IL34: variants seen among roughly 807,000 people sequenced by gnomAD.
IL34 encodes the protein interleukin-34.
IL34 carries 17 observed loss-of-function variants against 25.3 expected under a neutral mutation model. The observed-to-expected ratio is 0.67, with a 90% CI of 0.46 to 1.01. The LOEUF (loss-of-function observed/expected upper bound fraction) is 1.01. Among genes scored for constraint, IL34 ranks in the 50% least tolerant of loss-of-function variants. The pLI is 0.00. For missense variants in IL34, 368 were observed against 312.9 expected (o/e 1.18, Z -1.33); for synonymous variants, 174 against 140.9 (o/e 1.23, Z -1.66).
rs569642998 is a variant in IL34 at position 70,630,554 on chromosome 16, TC to T, written c.-400-15990del. 2.7e-5 allele frequency among the ~76,000 whole-genome samples: 4 copies of T among 145,838 alleles called. No individual in the cohort carries two copies. In the South Asian group the frequency reaches 9.0e-4, roughly 33 times the overall value. On this transcript the variant is annotated intron_variant, in intron 1 of 6. Transcript: ENST00000429149. Reference sequence around the variant, plus strand: ...GCCCCTCCCTTCCCCTCCTCTCCCCTCCCCTCTCCTCTCCTCTTCTTTCTTT... The same window carrying T: ...GCCCCTCCCTTCCCCTCCTCTCCCCTCCCTCTCCTCTCCTCTTCTTTCTTT...
At chr16:70,654,415 A>T (rs146435337) in intron 1 of IL34, 123 bp from the exon 2 acceptor site, 1 of 1,336,118 alleles carries the variant, frequency 7.5e-7, no homozygotes, top group Non-Finnish European at 1.0e-6. Flanking sequence ...CCCCCACCAC[A>T]CCTTTCCCAT....
At chr16:70,631,453 TAAAAC>T (rs914419739) in intron 1 of IL34, among the ~76,000 whole-genome samples, 18 of 152,344 alleles carry the variant, frequency 1.2e-4, no homozygotes, top group South Asian at 6.2e-4. Context: ...TATTAACTTT[TAAAAC>T]AAAACAAAAC....
At chr16:70,634,634 C>T (rs56205768) in intron 1 of IL34, among the ~76,000 whole-genome samples, 3 of 150,378 alleles carry the variant, frequency 2.0e-5, no homozygotes, top group East Asian at 2.0e-4. Context: ...GAGCCGAGAT[C>T]GTGTCACTGA....
chr16:70,617,679 G>C (rs1435081173), intron 1 of IL34, among the ~76,000 whole-genome samples: 4 of 151,780 alleles, frequency 2.6e-5, no homozygotes, highest in African/African-American at 9.7e-5. Context: ...TTGGTGAGGT[G>C]TGTTTTTAAA....
chr16:70,628,932 C>T (rs2051457735), intron 1 of IL34, among the ~76,000 whole-genome samples: 1 of 151,960 alleles, frequency 6.6e-6, no homozygotes, highest in African/African-American at 2.4e-5. Flanking sequence ...GGACAGCAAG[C>T]ATGTACCATT....
upstream of IL34, among the ~76,000 whole-genome samples, chr16:70,643,561 T>TA (rs2051837284): frequency 6.6e-6 from 1 of 152,014 alleles, no homozygotes; most frequent in African/African-American, 2.4e-5. Flanking sequence ...TGTTGGTAGA[T>TA]ACGGGTTCTC....
intron 1 of IL34, among the ~76,000 whole-genome samples, chr16:70,589,622 A>ATTTTTTTTTTTTTTTTTTTTTCTTTTT (rs34813482): frequency 7.3e-6 from 1 of 136,746 alleles, no homozygotes; most frequent in Non-Finnish European, 1.6e-5. Flanking sequence ...TTTTACCATG[A>ATTTTTTTTTTTTTTTTTTTTTCTTTTT]TTTTTTTTTT....
At chr16:70,595,899 T>C (rs1239786043) in intron 1 of IL34, among the ~76,000 whole-genome samples, 1 of 151,742 alleles carries the variant, frequency 6.6e-6, no homozygotes, top group Non-Finnish European at 1.5e-5. Context: ...TAGTCTCAGC[T>C]ACTCAGGAGG....
upstream of IL34, among the ~76,000 whole-genome samples, chr16:70,644,353 A>G (rs1166334883): frequency 1.3e-5 from 2 of 152,136 alleles, no homozygotes; most frequent in Non-Finnish European, 2.9e-5. Flanking sequence ...GGTGTGAGAC[A>G]CTGCACCCAG....
At chr16:70,628,816 T>C (rs1459777583) in intron 1 of IL34, among the ~76,000 whole-genome samples, 1 of 125,280 alleles carries the variant, frequency 8.0e-6, no homozygotes, top group Non-Finnish European at 1.6e-5. Flanking sequence ...TGAGACAGGG[T>C]CTTACTGTAT....
intron 1 of IL34, among the ~76,000 whole-genome samples, chr16:70,605,839 T>G (rs1327782437): frequency 6.6e-6 from 1 of 151,910 alleles, no homozygotes; most frequent in Non-Finnish European, 1.5e-5. Context: ...CCCACCTAAT[T>G]TTTTGTGTTT....
chr16:70,659,558 C>A, intron 4 of IL34, 60 bp from the exon 5 acceptor site: 1 of 1,542,978 alleles, frequency 6.5e-7, no homozygotes, highest in Non-Finnish European at 8.8e-7. Flanking sequence ...ACAGCCCTCA[C>A]GGCTCTCCTG....
chr16:70,589,935 T>C (rs2050733827), intron 1 of IL34, among the ~76,000 whole-genome samples: 1 of 152,198 alleles, frequency 6.6e-6, no homozygotes, highest in African/African-American at 2.4e-5. Flanking sequence ...ACCATGATTT[T>C]TAAAAACAAA....
At chr16:70,644,366 A>G (rs1289858249), upstream of IL34, among the ~76,000 whole-genome samples, 1 of 152,150 alleles carries the variant, frequency 6.6e-6, no homozygotes, top group Non-Finnish European at 1.5e-5. Flanking sequence ...GCACCCAGCC[A>G]GATTGACAAT....
At chr16:70,658,887 T>A (rs757179004) in intron 4 of IL34, among the ~76,000 whole-genome samples, 2 of 152,188 alleles carry the variant, frequency 1.3e-5, no homozygotes, top group Non-Finnish European at 2.9e-5. Context: ...CCTTCTAAGA[T>A]CCTGAACTTA....
At chr16:70,632,489 T>A (rs1041620983) in intron 1 of IL34, among the ~76,000 whole-genome samples, 1 of 152,162 alleles carries the variant, frequency 6.6e-6, no homozygotes, top group Non-Finnish European at 1.5e-5. Context: ...GGAACACATC[T>A]GTGAATGAAT....
intron 1 of IL34, among the ~76,000 whole-genome samples, chr16:70,594,941 C>T (rs1431871548): frequency 1.4e-5 from 2 of 147,104 alleles, no homozygotes; most frequent in East Asian, 3.9e-4. Context: ...ATTTATCTCT[C>T]TCTCTCTCTC....
rs2151881253 is a variant in IL34 at position 70,654,645 on chromosome 16, C to T, written c.136C>T (p.Gln46Ter). 1.2e-6 allele frequency: 2 copies of T among 1,612,616 alleles called. No individual in the cohort carries two copies. Among genetic ancestry groups the T allele is most frequent in the Non-Finnish European group, 8.5e-7 (1 of 1,178,934 alleles). ...TVTGFLRDKL[Q>*]YRSRLQYMKH... ...CACGGGTTTTCTGCGGGACAAGCTG[C>T]AGTACAGGAGCCGACTTCAGTACAT... The change falls in exon 2 of 6, where the codon CAG becomes TAG. Residue 46 changes from glutamine (Q) to a stop codon, truncating the protein, a stop_gained. Transcript: ENST00000288098. LOFTEE classifies it high-confidence loss of function.
chr16:70,628,557 G>A (rs1336024842), intron 1 of IL34, among the ~76,000 whole-genome samples: 1 of 151,350 alleles, frequency 6.6e-6, no homozygotes, highest in African/African-American at 2.4e-5. Flanking sequence ...TATGATCTTG[G>A]CTCACTGCAA....
Sources: gnomAD v4.1 joint callset for allele counts (sites outside exome capture counted in the v4.1 genomes callset) on GRCh38, gnomAD v4.1.1 for gene constraint, MANE v1.5 for transcripts, NCBI Gene and HGNC (gene_info 2026-07-23, HGNC 2026-07-21) for gene names.